Variants in EIF2AK1 observed in about 807,000 individuals in gnomAD.
EIF2AK1 encodes eukaryotic translation initiation factor 2-alpha kinase 1.
Under a neutral mutation model 77.9 loss-of-function variants are expected in EIF2AK1, and 54 were observed. The observed-to-expected ratio is 0.69, with a 90% CI of 0.56 to 0.87. The LOEUF (loss-of-function observed/expected upper bound fraction) is 0.87, where lower values mean the gene tolerates loss of function less well. EIF2AK1 is among the 40% of genes least tolerant of loss of function. The pLI is 0.00. For synonymous variants in EIF2AK1, 314 were observed against 290.5 expected (o/e 1.08, Z -0.82); for missense variants, 810 against 768.6 (o/e 1.05, Z -0.64).
At chr7:6,052,114 G>A (rs1216345476) in intron 2 of EIF2AK1, among the ~76,000 whole-genome samples, 1 of 147,376 alleles carries the variant, frequency 6.8e-6, no homozygotes, top group East Asian at 2.0e-4. Context: ...GGAGGTTGCA[G>A]TGAGCCGAGA....
chr7:6,023,750 T>C lies in EIF2AK1; in HGVS notation c.*923A>G. On this transcript the variant is annotated 3_prime_UTR_variant, in exon 15 of 15. Coordinates refer to ENST00000199389, the MANE Select transcript of EIF2AK1 (RefSeq NM_014413.4). ...TAAGAATGGTGCTCTTTCATGCCTA[T>C]TATCAGTAAGGGGACTTGTATTAGA... 6.2e-7 allele frequency: 1 copy of C among 1,612,792 alleles called. No individual in the cohort carries two copies. Among genetic ancestry groups the C allele is most frequent in the Non-Finnish European group, 8.5e-7 (1 of 1,179,278 alleles).
intron 8 of EIF2AK1, 42 bp from the exon 9 acceptor site, chr7:6,041,261 G>T: frequency 6.5e-7 from 1 of 1,546,824 alleles, no homozygotes; most frequent in Non-Finnish European, 8.7e-7. Context: ...TCAATGGGCC[G>T]AGCACAGTGG....
In EIF2AK1 at chr7:6,042,953, G is replaced by A; in HGVS notation, c.771C>T (p.Leu257=). 6.2e-7 allele frequency: 1 copy of A among 1,614,072 alleles called. No individual in the cohort carries two copies. The highest frequency in any genetic ancestry group is 8.5e-7 in the Non-Finnish European group (1 of 1,179,974). The change falls in exon 8 of 15, where the codon CTC becomes CTT. Residue 257 remains leucine, a synonymous_variant. Coordinates refer to ENST00000199389, the MANE Select transcript of EIF2AK1 (RefSeq NM_014413.4). ...AAIELPSLEV[L]SDQEEDREQC... ...CATACCTGTCCTCTTCCTGGTCGGA[G>A]AGCACTTCCAGAGATGGCAACTCAA...
chr7:6,051,976 T>A (rs1788618142), intron 2 of EIF2AK1, among the ~76,000 whole-genome samples: 1 of 151,822 alleles, frequency 6.6e-6, no homozygotes, highest in South Asian at 2.1e-4. Flanking sequence ...ATCGAGATCA[T>A]CCTGGCTAAC....
At position 6,041,222 on chromosome 7, in the gene EIF2AK1, G is replaced by GAAAAAAA; in HGVS notation, c.792-10_792-4dup. 7.2e-7 allele frequency: 1 copy of GAAAAAAA among 1,382,830 alleles called. No homozygotes were observed. The highest frequency in any genetic ancestry group is 9.8e-7 in the Non-Finnish European group (1 of 1,016,292). The allele number at this position is 1,382,830 out of a possible 1,614,324, so 85.7% of individuals were successfully genotyped here. A position where few individuals can be genotyped will look rare whatever the true frequency, so the allele number is the denominator to read the frequency against. On this transcript the variant is annotated splice_region_variant and splice_polypyrimidine_tract_variant and intron_variant, in intron 8 of 14. Coordinates refer to ENST00000199389, the MANE Select transcript of EIF2AK1 (RefSeq NM_014413.4). ...CATTTTTAACACCACATTGCTCTCT[G>GAAAAAAA]AAAAAAAAAAAAATAGTAAACATAA...
Position 6,038,687 on chromosome 7 carries a change from G to T in EIF2AK1, c.1120-16C>A, listed in dbSNP as rs1788179207. The T allele has an allele frequency of 6.3e-7, 1 of 1,585,778 alleles. No individual in the cohort carries two copies. The highest frequency in any genetic ancestry group is 1.4e-5 in the African/African-American group (1 of 73,870). On this transcript the variant is annotated splice_polypyrimidine_tract_variant and intron_variant, in intron 9 of 14. Transcript: ENST00000199389. Reference sequence around the variant, plus strand: ...GGTACTGTGCCTAGGAGAGGACACAGTGATGGCTCCCATCTTTGCACGATT... The same window carrying T: ...GGTACTGTGCCTAGGAGAGGACACATTGATGGCTCCCATCTTTGCACGATT...
At chr7:6,053,824 C>T (rs924237264) in intron 2 of EIF2AK1, among the ~76,000 whole-genome samples, 3 of 135,576 alleles carry the variant, frequency 2.2e-5, no homozygotes, top group South Asian at 5.0e-4. Flanking sequence ...TGTGCCATTA[C>T]GCCTGGGTAG....
rs187467155 is a variant in EIF2AK1 at position 6,029,700 on chromosome 7, C to T, written c.1333-668G>A. 3.1e-3 allele frequency among the ~76,000 whole-genome samples: 469 copies of T among 152,008 alleles called. 6 individuals carry two copies. Among genetic ancestry groups the T allele is most frequent in the Middle Eastern group, 6.8e-3 (2 of 292 alleles). ...AGAAGCTCTTAGAAATGACTGTCCT[C>T]GGCCGGGCACGGTGGCTCACACCTG... On this transcript the variant is annotated intron_variant, in intron 11 of 14. Coordinates refer to ENST00000199389, the MANE Select transcript of EIF2AK1 (RefSeq NM_014413.4).
chr7:6,040,741 C>T (rs557034980), intron 9 of EIF2AK1, 151 bp downstream of exon 9: 229 of 688,990 alleles, frequency 3.3e-4, no homozygotes, highest in Admixed American at 2.3e-3. Flanking sequence ...GAGAACCAAA[C>T]GCAAAGGCCC....
chr7:6,050,137 CAATA>C, intron 2 of EIF2AK1, 92 bp from the exon 3 acceptor site: 1 of 970,058 alleles, frequency 1.0e-6, no homozygotes, highest in Non-Finnish European at 1.5e-6. Context: ...GTAATAATAG[CAATA>C]TATACAAAAA....
In EIF2AK1 at chr7:6,028,657, G is replaced by A. The variant is rs149262605; in HGVS notation, c.1488C>T (p.Tyr496=). 1.5e-4 allele frequency: 245 copies of A among 1,614,212 alleles called. No homozygotes were observed. Among genetic ancestry groups the A allele is most frequent in the Middle Eastern group, 3.3e-4 (2 of 6,062 alleles). Residue 496 remains tyrosine (Y), a synonymous_variant, in exon 13 of 15, where the codon TAC becomes TAT. Coordinates refer to ENST00000199389, the MANE Select transcript of EIF2AK1 (RefSeq NM_014413.4). ...ATCCTTCCAACTGTTCGGGTGAAGCGTACAGACAAGTACCCACTCTGGACG... is the reference window on the plus strand; with the variant it reads ...ATCCTTCCAACTGTTCGGGTGAAGCATACAGACAAGTACCCACTCTGGACG... ...THTSRVGTCL[Y]ASPEQLEGSE... is the part of the protein sequence containing the mutation.
chr7:6,032,385 T>C lies in EIF2AK1; in HGVS notation c.1333-3353A>G, dbSNP rs1263602330. Reference sequence around the variant, plus strand: ...CTGGCACAAACAGCTCTGCTAATCATAGACAGAACATATGCTGCGTTATAT... The same window carrying C: ...CTGGCACAAACAGCTCTGCTAATCACAGACAGAACATATGCTGCGTTATAT... On this transcript the variant is annotated intron_variant, in intron 11 of 14. Transcript: ENST00000199389. The surrounding 1 kb of genome is among the most constrained non-coding windows in gnomAD (Gnocchi z 4.3). 6.6e-6 allele frequency among the ~76,000 whole-genome samples: 1 copy of C among 152,214 alleles called. No homozygotes were observed. The highest frequency in any genetic ancestry group is 1.5e-5 in the Non-Finnish European group (1 of 68,038).
At position 6,023,600 on chromosome 7, in the gene EIF2AK1, G is replaced by C; in HGVS notation, c.*1073C>G. The stretch of plus-strand genomic sequence containing the variant: ...TCTGTACTCCAGCAGATCGGAGGCT[G>C]CAGTGTGACAGTGCCAGCCAATGTG... On this transcript the variant is annotated 3_prime_UTR_variant, in exon 15 of 15. Coordinates refer to ENST00000199389, the MANE Select transcript of EIF2AK1 (RefSeq NM_014413.4). The C allele has an allele frequency of 6.2e-7, 1 of 1,614,222 alleles. No individual in the cohort carries two copies. Among genetic ancestry groups the C allele is most frequent in the East Asian group, 2.2e-5 (1 of 44,890 alleles).
Position 6,023,998 on chromosome 7 carries a change from G to A in EIF2AK1, c.*675C>T, listed in dbSNP as rs1787661861. ...GGGAGCTGAGTGCTACAATAAAGGAGGAAGTACCGGGGAACAGTGCAGGGC... is the reference window on the plus strand; with the variant it reads ...GGGAGCTGAGTGCTACAATAAAGGAAGAAGTACCGGGGAACAGTGCAGGGC... On this transcript the variant is annotated 3_prime_UTR_variant, in exon 15 of 15. Transcript: ENST00000199389. 1 of 1,344,828 alleles carries A rather than the reference G, an allele frequency of 7.4e-7. No homozygotes were observed. Among genetic ancestry groups the A allele is most frequent in the Non-Finnish European group, 9.7e-7 (1 of 1,026,312 alleles). The allele number at this position is 1,344,828 out of a possible 1,614,324, so 83.3% of individuals were successfully genotyped here.
chr7:6,058,019 G>C, intron 1 of EIF2AK1: 1 of 384,014 alleles, frequency 2.6e-6, no homozygotes, highest in Non-Finnish European at 5.1e-6. Context: ...TCAAAATTGT[G>C]GACTCTTTCA....
In EIF2AK1 at chr7:6,036,085, T is replaced by C; in HGVS notation, c.1332+1339A>G. On this transcript the variant is annotated intron_variant, in intron 11 of 14. Transcript: ENST00000199389. This position sits in a 1 kb window ranked among gnomAD's most constrained non-coding sequence, Gnocchi z 4.6. The stretch of plus-strand genomic sequence containing the variant: ...GGGGAATCTCCAATTTATATGTACC[T>C]TCAGCGCAGTTGCAATGTAAGAGAT... 2 of 1,550,980 alleles carry C rather than the reference T, an allele frequency of 1.3e-6. No homozygotes were observed. Among genetic ancestry groups the C allele is most frequent in the Non-Finnish European group, 1.7e-6 (2 of 1,147,104 alleles).
intron 1 of EIF2AK1, among the ~76,000 whole-genome samples, chr7:6,055,675 G>GT (rs1583501865): frequency 8.4e-6 from 1 of 119,148 alleles, no homozygotes; most frequent in East Asian, 3.6e-4. Flanking sequence ...GACTAAACAG[G>GT]TAAAAAAAAA....
At chr7:6,058,479 A>G (rs1788857418) in intron 1 of EIF2AK1, among the ~76,000 whole-genome samples, 2 of 152,180 alleles carry the variant, frequency 1.3e-5, no homozygotes, top group Non-Finnish European at 2.9e-5. Context: ...CTGCCTCACT[A>G]TAAGAAATCT....
At chr7:6,042,839 C>A in intron 8 of EIF2AK1, 94 bp downstream of exon 8, 2 of 1,045,082 alleles carry the variant, frequency 1.9e-6, no homozygotes, top group South Asian at 2.8e-5. Flanking sequence ...GCACTCTAGT[C>A]TGGGTGACAG....
Sources: gnomAD v4.1 joint callset for allele counts (sites outside exome capture counted in the v4.1 genomes callset) on GRCh38, gnomAD v4.1.1 for gene constraint, Gnocchi (gnomAD v3.1) non-coding constraint, MANE v1.5 for transcripts, NCBI Gene and HGNC (gene_info 2026-07-23, HGNC 2026-07-21) for gene names.